TULP3: variants seen among roughly 807,000 people sequenced by gnomAD.
TULP3 encodes tubby-related protein 3.
TULP3 carries 38 observed loss-of-function variants against 50.7 expected under a neutral mutation model. The observed-to-expected ratio is 0.75, with a 90% CI of 0.58 to 0.98. The LOEUF (loss-of-function observed/expected upper bound fraction) is 0.98. Ranked by LOEUF, TULP3 falls within the 50% of genes least tolerant of loss-of-function variation. The probability of loss-of-function intolerance (pLI) is 0.00; values close to 1 mark genes in which losing one functional copy is unlikely to be tolerated. For synonymous variants in TULP3, 183 were observed against 196.6 expected (o/e 0.93, Z 0.58); for missense variants, 550 against 568.0 (o/e 0.97, Z 0.32).
chr12:2,903,317 C>T (rs1017243086), intron 1 of TULP3, among the ~76,000 whole-genome samples: 19 of 151,806 alleles, frequency 1.3e-4, no homozygotes, highest in Non-Finnish European at 1.9e-4. Context: ...AATCCCAGCA[C>T]TTTGGGAGGC....
rs781075943 is a variant in TULP3, at chr12:2,937,669, G to A, written c.963G>A (p.Met321Ile). 1.9e-6 allele frequency: 3 copies of A among 1,613,172 alleles called. No homozygotes were observed. Among genetic ancestry groups the A allele is most frequent in the Non-Finnish European group, 1.7e-6 (2 of 1,179,672 alleles). The change falls in exon 9 of 11, where the codon ATG becomes ATA. Residue 321 changes from methionine to isoleucine, a missense_variant. Physicochemically the swap from Met to Ile is conservative, Grantham distance 10. Coordinates refer to ENST00000448120, the MANE Select transcript of TULP3 (RefSeq NM_003324.5). ...NVLGFKGPRK[M>I]SVIIPGMTLN... is the part of the protein sequence containing the mutation. The stretch of plus-strand genomic sequence containing the variant: ...TTGGATTTAAAGGTCCTAGGAAAAT[G>A]TCTGTGATCATTCCTGGAATGACAC...
intron 1 of TULP3, among the ~76,000 whole-genome samples, chr12:2,900,430 A>G (rs957500960): frequency 2.0e-5 from 3 of 152,172 alleles, no homozygotes; most frequent in African/African-American, 7.2e-5. Context: ...CAAAATTTAA[A>G]TGTCCAAAAA....
chr12:2,939,581 A>G lies in TULP3; in HGVS notation c.*137A>G, dbSNP rs1414357255. On this transcript the variant is annotated 3_prime_UTR_variant, in exon 11 of 11. Coordinates refer to ENST00000448120, the MANE Select transcript of TULP3 (RefSeq NM_003324.5). The surrounding 1 kb of genome is among the most constrained non-coding windows in gnomAD (Gnocchi z 4.0). Reference sequence around the variant, plus strand: ...GGAATGATCTCTGAATATATAAAACACACACACAAAGAGCAATAGTTTGCC... The same window carrying G: ...GGAATGATCTCTGAATATATAAAACGCACACACAAAGAGCAATAGTTTGCC... 3 of 1,234,014 alleles carry G rather than the reference A, an allele frequency of 2.4e-6. No homozygotes were observed. Among genetic ancestry groups the G allele is most frequent in the African/African-American group, 1.6e-5 (1 of 63,962 alleles). 76.4% of individuals were successfully genotyped at this position (1,234,014 alleles called of 1,614,324 possible).
chr12:2,930,525 G>A (rs1288784061), intron 5 of TULP3, among the ~76,000 whole-genome samples, 180 bp downstream of exon 5: 4 of 152,092 alleles, frequency 2.6e-5, no homozygotes, highest in South Asian at 2.1e-4. Context: ...CCGGGTTCAC[G>A]CCATTCTCCT....
intron 1 of TULP3, among the ~76,000 whole-genome samples, chr12:2,905,269 T>C (rs2098181558): frequency 6.8e-6 from 1 of 148,058 alleles, no homozygotes; most frequent in Non-Finnish European, 1.5e-5. Context: ...CACTGCAACC[T>C]CCACCTCCCA....
At chr12:2,922,430 A>G in intron 4 of TULP3, 28 bp downstream of exon 4, 1 of 1,595,782 alleles carries the variant, frequency 6.3e-7, no homozygotes, top group Non-Finnish European at 8.5e-7. Flanking sequence ...TTTTAAGGCA[A>G]TTTGTCTCCT....
intron 2 of TULP3, among the ~76,000 whole-genome samples, chr12:2,910,655 G>C (rs1489521071): frequency 6.6e-6 from 1 of 152,190 alleles, no homozygotes; most frequent in African/African-American, 2.4e-5. Context: ...GTGACTAAAA[G>C]TCTCTAAAGT....
chr12:2,913,101 G>C (rs1320608279), intron 2 of TULP3, among the ~76,000 whole-genome samples: 2 of 150,686 alleles, frequency 1.3e-5, no homozygotes, highest in African/African-American at 4.9e-5. Context: ...ACCAACACTT[G>C]TTATTGTCTG....
chr12:2,894,660 C>G lies in TULP3; in HGVS notation c.41+3672C>G, dbSNP rs550068868. 7.1e-4 allele frequency among the ~76,000 whole-genome samples: 108 copies of G among 151,936 alleles called. 1 individual carries two copies. The highest frequency in any genetic ancestry group is 1.5e-3 in the Non-Finnish European group (100 of 67,990). On this transcript the variant is annotated intron_variant, in intron 1 of 10. Coordinates refer to ENST00000448120, the MANE Select transcript of TULP3 (RefSeq NM_003324.5). ...CCTGTAATCCCAGCACTTTGGGAGG[C>G]GGAGGTGGGCAGATCACGAGGTCAG...
rs771689440 is a variant in TULP3, at chr12:2,931,024, G to A, written c.493-13G>A. The A allele has an allele frequency of 1.9e-6, 3 of 1,613,950 alleles. No individual in the cohort carries two copies. The highest frequency in any genetic ancestry group is 2.5e-6 in the Non-Finnish European group (3 of 1,179,940). ...CTCGGCCTGTTGTTGCTCATGTATG[G>A]CTGTCCTTTCAGGATACAGGCACTT... On this transcript the variant is annotated splice_polypyrimidine_tract_variant and intron_variant, in intron 5 of 10. Coordinates refer to ENST00000448120, the MANE Select transcript of TULP3 (RefSeq NM_003324.5).
At chr12:2,919,664 T>C (rs1297858130) in intron 2 of TULP3, among the ~76,000 whole-genome samples, 9 of 152,154 alleles carry the variant, frequency 5.9e-5, no homozygotes, top group Non-Finnish European at 1.3e-4. Context: ...CTCTGAGTTA[T>C]CCCAGATCAA....
chr12:2,935,597 G>T (rs2153950487), intron 8 of TULP3, among the ~76,000 whole-genome samples: 1 of 152,254 alleles, frequency 6.6e-6, no homozygotes, highest in East Asian at 1.9e-4. Flanking sequence ...TTAATCCCAT[G>T]AGATCTTATC....
At chr12:2,898,436 A>G (rs1415598229) in intron 1 of TULP3, among the ~76,000 whole-genome samples, 1 of 152,002 alleles carries the variant, frequency 6.6e-6, no homozygotes, top group Non-Finnish European at 1.5e-5. Context: ...AGCAGCGGGG[A>G]CTATAGGCAT....
chr12:2,902,324 TCAAGTTA>T (rs1422361913), intron 1 of TULP3, among the ~76,000 whole-genome samples: 2 of 152,194 alleles, frequency 1.3e-5, no homozygotes, highest in Non-Finnish European at 2.9e-5. Context: ...AAGCCTTCAC[TCAAGTTA>T]CTATCAGGAA....
chr12:2,894,076 C>T (rs934837398), intron 1 of TULP3, among the ~76,000 whole-genome samples: 7 of 152,066 alleles, frequency 4.6e-5, no homozygotes, highest in Non-Finnish European at 8.8e-5. Flanking sequence ...GGTGCTGGAA[C>T]TTGAGCCCTA....
At chr12:2,892,558 C>T (rs1195273041) in intron 1 of TULP3, among the ~76,000 whole-genome samples, 1 of 151,834 alleles carries the variant, frequency 6.6e-6, no homozygotes, top group Non-Finnish European at 1.5e-5. Flanking sequence ...TGTCGCCAGG[C>T]GGTAGTGCAG....
At chr12:2,910,581 C>G (rs1209308116) in intron 2 of TULP3, among the ~76,000 whole-genome samples, 2 of 152,168 alleles carry the variant, frequency 1.3e-5, no homozygotes, top group Admixed American at 6.5e-5. Flanking sequence ...TTCTATGAAT[C>G]TATTCTAATT....
intron 4 of TULP3, among the ~76,000 whole-genome samples, chr12:2,926,871 C>T (rs2098194994): frequency 6.6e-6 from 1 of 152,206 alleles, no homozygotes; most frequent in Admixed American, 6.5e-5. Flanking sequence ...CGCGCCATTG[C>T]ACTCCAGTCT....
rs542319539 is a variant in TULP3 at position 2,926,689 on chromosome 12, T to C, written c.395-3559T>C. Among the ~76,000 whole-genome samples, 6 of 152,162 alleles carry C rather than the reference T, an allele frequency of 3.9e-5. No homozygotes were observed. In the East Asian group the frequency reaches 1.2e-3, roughly 29 times the overall value. ...GGCAGAGGCAGGCAGATACCTGACATCAGGAGTTCGAGACCAGCCTGGCCA... is the reference window on the plus strand; with the variant it reads ...GGCAGAGGCAGGCAGATACCTGACACCAGGAGTTCGAGACCAGCCTGGCCA... On this transcript the variant is annotated intron_variant, in intron 4 of 10. Coordinates refer to ENST00000448120, the MANE Select transcript of TULP3 (RefSeq NM_003324.5).
Sources: gnomAD v4.1 joint callset for allele counts (sites outside exome capture counted in the v4.1 genomes callset) on GRCh38, gnomAD v4.1.1 for gene constraint, Gnocchi (gnomAD v3.1) non-coding constraint, MANE v1.5 for transcripts, NCBI Gene and HGNC (gene_info 2026-07-23, HGNC 2026-07-21) for gene names.